RPF2: variants seen among roughly 807,000 people sequenced by gnomAD.
The protein encoded by RPF2 is ribosome production factor 2 homolog, also known as brix domain containing 1.
Under a neutral mutation model 38.9 loss-of-function variants are expected in RPF2, and 21 were observed. That is an observed-to-expected ratio of 0.54 (90% confidence interval 0.38 to 0.78). The LOEUF (loss-of-function observed/expected upper bound fraction) is 0.78, where lower values mean the gene tolerates loss of function less well. RPF2 is among the 30% of genes least tolerant of loss of function. The pLI is 0.00. For missense variants in RPF2, 314 were observed against 358.1 expected (o/e 0.88, Z 0.99); for synonymous variants, 121 against 126.2 (o/e 0.96, Z 0.28).
In RPF2 at chr6:111,008,018, CTTTTTTT is replaced by C. The variant is rs35637912; in HGVS notation, c.394-9_394-3del. 1.4e-6 allele frequency: 2 copies of C among 1,425,042 alleles called. No homozygotes were observed. The highest frequency in any genetic ancestry group is 1.9e-6 in the Non-Finnish European group (2 of 1,079,804). The allele number at this position is 1,425,042 out of a possible 1,614,324, so 88.3% of individuals were successfully genotyped here. A position where few individuals can be genotyped will look rare whatever the true frequency, so the allele number is the denominator to read the frequency against. ...TTAGACTTTGGTAATTATATAATTG[CTTTTTTT>C]TTTTTTTTTTAGAACAGTAAATGTC... On this transcript the variant is annotated splice_polypyrimidine_tract_variant and intron_variant, in intron 6 of 9. Transcript: ENST00000441448.
At chr6:111,014,492 C>CT (rs1772074053) in intron 7 of RPF2, among the ~76,000 whole-genome samples, 2 of 152,148 alleles carry the variant, frequency 1.3e-5, no homozygotes, top group Admixed American at 1.3e-4. Context: ...ATGCGTTCAT[C>CT]TGTGCACATG....
chr6:110,986,989 T>A (rs1289635229), intron 2 of RPF2, among the ~76,000 whole-genome samples: 2 of 151,442 alleles, frequency 1.3e-5, no homozygotes, highest in South Asian at 4.2e-4. Context: ...TGTGGAGATA[T>A]CTAGTAGGTT....
chr6:111,007,840 A>T (rs904957759), intron 6 of RPF2, among the ~76,000 whole-genome samples, 198 bp from the exon 7 acceptor site: 1 of 152,052 alleles, frequency 6.6e-6, no homozygotes, highest in African/African-American at 2.4e-5. Context: ...CCAGCTACTT[A>T]GGAGGTTGAG....
intron 3 of RPF2, among the ~76,000 whole-genome samples, chr6:110,990,380 G>C (rs1341060789): frequency 1.3e-5 from 2 of 152,044 alleles, no homozygotes; most frequent in Non-Finnish European, 1.5e-5. Context: ...ACAAGTACTT[G>C]TCAGTTATTT....
intron 4 of RPF2, among the ~76,000 whole-genome samples, chr6:110,994,732 TATACACACAC>T (rs1442469225): frequency 5.9e-5 from 6 of 101,890 alleles, no homozygotes; most frequent in African/African-American, 1.7e-4. Context: ...GATGAGTATA[TATACACACAC>T]ACACACACAC....
chr6:110,982,599 T>C (rs185148378), intron 1 of RPF2: 92 of 159,800 alleles, frequency 5.8e-4, no homozygotes, highest in Non-Finnish European at 1.0e-3. Flanking sequence ...CGAGAATGTA[T>C]GTAGAGCCTT....
In RPF2 at chr6:111,019,109, C is replaced by A. The variant is rs561437272; in HGVS notation, c.596+3253C>A. Among the ~76,000 whole-genome samples, 4 of 152,108 alleles carry A rather than the reference C, an allele frequency of 2.6e-5. No homozygotes were observed. In the East Asian group the frequency reaches 7.7e-4, roughly 29 times the overall value. On this transcript the variant is annotated intron_variant, in intron 8 of 9. Transcript: ENST00000441448. ...ACTGGCCTCCATGCTACTTAGGAGG[C>A]TGAGGCAGGACAATTGAGCCCAGGA...
chr6:111,017,045 T>G (rs535678603), intron 8 of RPF2, among the ~76,000 whole-genome samples: 1 of 152,338 alleles, frequency 6.6e-6, no homozygotes, highest in East Asian at 1.9e-4. Context: ...GAATTTTTCT[T>G]AGTATAGAAC....
intron 6 of RPF2, among the ~76,000 whole-genome samples, chr6:111,006,158 T>G (rs753009470): frequency 2.6e-5 from 4 of 152,032 alleles, no homozygotes; most frequent in Non-Finnish European, 5.9e-5. Flanking sequence ...CTCAAACTCC[T>G]GGGCTCAAGC....
intron 5 of RPF2, among the ~76,000 whole-genome samples, chr6:110,997,974 G>A (rs1316685932): frequency 2.0e-5 from 3 of 150,510 alleles, no homozygotes; most frequent in Non-Finnish European, 4.4e-5. Flanking sequence ...GCCCAATCTC[G>A]GCTCACTACA....
chr6:111,025,471 G>A lies in RPF2; in HGVS notation c.810G>A (p.Lys270=). The A allele has an allele frequency of 1.2e-6, 2 of 1,613,342 alleles. No individual in the cohort carries two copies. Among genetic ancestry groups the A allele is most frequent in the African/African-American group, 1.3e-5 (1 of 75,000 alleles). ...GTTYGRIHMQ[K]QDLSKLQTRK... The stretch of plus-strand genomic sequence containing the variant: ...CTTATGGAAGGATTCATATGCAGAA[G>A]CAAGACCTAAGCAAACTACAAACCA... Residue 270 remains lysine, a synonymous_variant, in exon 10 of 10, where the codon AAG becomes AAA. Coordinates refer to ENST00000441448, the MANE Select transcript of RPF2 (RefSeq NM_032194.3).
intron 7 of RPF2, among the ~76,000 whole-genome samples, chr6:111,013,843 A>G (rs1199887500): frequency 6.6e-6 from 1 of 152,158 alleles, no homozygotes; most frequent in Non-Finnish European, 1.5e-5. Context: ...CTTGTTTTAT[A>G]AAAATGTCCC....
chr6:111,025,604 TG>T lies in RPF2; in HGVS notation c.*23del. 1.3e-6 allele frequency: 2 copies of T among 1,562,750 alleles called. No individual in the cohort carries two copies. Among genetic ancestry groups the T allele is most frequent in the Non-Finnish European group, 1.7e-6 (2 of 1,145,682 alleles). ...TTGATGGAACTTAGCCAGCCACTAC[TG>T]TTTCATTGTGTTCTACTTAAGAGAA... On this transcript the variant is annotated 3_prime_UTR_variant, in exon 10 of 10. Transcript: ENST00000441448.
At chr6:111,002,410 C>T (rs1434150998) in intron 6 of RPF2, among the ~76,000 whole-genome samples, 2 of 152,018 alleles carry the variant, frequency 1.3e-5, no homozygotes, top group African/African-American at 2.4e-5. Flanking sequence ...GTGGGATCAC[C>T]GCTCACTGCA....
At chr6:111,018,455 T>C (rs974312874) in intron 8 of RPF2, among the ~76,000 whole-genome samples, 1 of 152,218 alleles carries the variant, frequency 6.6e-6, no homozygotes, top group Non-Finnish European at 1.5e-5. Flanking sequence ...GTGTCTTCTG[T>C]ACAGTAGTGT....
At chr6:110,999,228 T>G (rs1771771161) in intron 5 of RPF2, among the ~76,000 whole-genome samples, 1 of 152,026 alleles carries the variant, frequency 6.6e-6, no homozygotes, top group Non-Finnish European at 1.5e-5. Flanking sequence ...AGCTCCCAAA[T>G]AGCATGGATC....
rs564253366 is a variant in RPF2, at chr6:111,022,590, A to T, written c.597-1593A>T. 2.7e-5 allele frequency among the ~76,000 whole-genome samples: 4 copies of T among 150,280 alleles called. No individual in the cohort carries two copies. In the South Asian group the frequency reaches 6.3e-4, roughly 24 times the overall value. On this transcript the variant is annotated intron_variant, in intron 8 of 9. Transcript: ENST00000441448. ...TTATTTGGAAATCTTAATTTTATGT[A>T]CCACTCAAAAAATTCATTAGGACGC...
At chr6:111,005,794 C>G (rs1030165295) in intron 6 of RPF2, among the ~76,000 whole-genome samples, 13 of 151,888 alleles carry the variant, frequency 8.6e-5, no homozygotes, top group African/African-American at 2.7e-4. Flanking sequence ...CCACACCTGG[C>G]TAATTGTTTT....
At chr6:111,016,683 C>CTTTTTTTTTTTTTT (rs1397812113) in intron 8 of RPF2, among the ~76,000 whole-genome samples, 9 of 105,934 alleles carry the variant, frequency 8.5e-5, no homozygotes, top group African/African-American at 2.4e-4. Flanking sequence ...TTTTTTTTTT[C>CTTTTTTTTTTTTTT]TTTCTTTTTT....
Sources: gnomAD v4.1 joint callset for allele counts (sites outside exome capture counted in the v4.1 genomes callset) on GRCh38, gnomAD v4.1.1 for gene constraint, MANE v1.5 for transcripts, NCBI Gene and HGNC (gene_info 2026-07-23, HGNC 2026-07-21) for gene names.